Variants in SWT1 observed in about 807,000 individuals in gnomAD.
SWT1 encodes transcriptional protein SWT1.
SWT1 carries 33 observed loss-of-function variants against 107.3 expected under a neutral mutation model. The observed-to-expected ratio is 0.31, with a 90% confidence interval of 0.23 to 0.41. SWT1 has a LOEUF of 0.41. SWT1 is among the 10% of genes least tolerant of loss of function. SWT1 has a pLI of 1.00. For missense variants in SWT1, 898 were observed against 1,028.9 expected (o/e 0.87, Z 1.74); for synonymous variants, 345 against 348.3 (o/e 0.99, Z 0.11).
chr1:185,257,446 AG>A (rs1346132607), intron 16 of SWT1, among the ~76,000 whole-genome samples: 1 of 152,068 alleles, frequency 6.6e-6, no homozygotes, highest in Non-Finnish European at 1.5e-5. Context: ...CCGTGGGCGT[AG>A]GACCCTCCGA....
chr1:185,269,181 T>G (rs1486922679), intron 16 of SWT1, among the ~76,000 whole-genome samples: 1 of 152,182 alleles, frequency 6.6e-6, no homozygotes, highest in Non-Finnish European at 1.5e-5. Flanking sequence ...GGTTACCAAG[T>G]TAGAACACAC....
At chr1:185,204,598 A>T in intron 11 of SWT1, 102 bp from the exon 12 acceptor site, 1 of 487,864 alleles carries the variant, frequency 2.0e-6, no homozygotes, top group Non-Finnish European at 3.5e-6. Context: ...TATAATTAAA[A>T]TATATACATA....
rs1327314794 is a variant in SWT1, at chr1:185,276,614, A to T, written c.2519A>T (p.Asn840Ile). ...NFLIKYEVNKNVKFTAQEIYD... is the reference protein window; with the variant it reads ...NFLIKYEVNKIVKFTAQEIYD... ...CTTGGTTCCTTTCAGGTAAATAAAA[A>T]TGTCAAATTTACTGCCCAGGAAATT... Residue 840 changes from asparagine to isoleucine, a missense_variant, in exon 18 of 19, where the codon AAT becomes ATT. Coordinates refer to ENST00000367500, the MANE Select transcript of SWT1 (RefSeq NM_017673.7). 1.3e-6 allele frequency: 2 copies of T among 1,580,506 alleles called. No individual in the cohort carries two copies. The highest frequency in any genetic ancestry group is 4.5e-5 in the East Asian group (2 of 44,212).
chr1:185,172,814 C>T (rs1013356208), intron 4 of SWT1, among the ~76,000 whole-genome samples: 14 of 151,854 alleles, frequency 9.2e-5, no homozygotes, highest in African/African-American at 3.1e-4. Flanking sequence ...TTTGGGAGGC[C>T]GAGGTGGGCA....
At chr1:185,240,814 C>T (rs1219119082) in intron 16 of SWT1, among the ~76,000 whole-genome samples, 2 of 151,892 alleles carry the variant, frequency 1.3e-5, no homozygotes, top group African/African-American at 4.8e-5. Context: ...GTGTGATTTG[C>T]ATATATTTTG....
At chr1:185,171,721 A>G in intron 4 of SWT1, 1 of 462,600 alleles carries the variant, frequency 2.2e-6, no homozygotes, top group Non-Finnish European at 4.2e-6. Flanking sequence ...GGTGGCAGTG[A>G]AGGCAGAAAG....
intron 16 of SWT1, among the ~76,000 whole-genome samples, chr1:185,249,538 T>C (rs752007492): frequency 2.0e-4 from 30 of 152,146 alleles, no homozygotes; most frequent in Non-Finnish European, 2.9e-5. Context: ...CCAGGTGTGA[T>C]TGAGGCAAGG....
chr1:185,286,085 G>T (rs919000845), intron 18 of SWT1, among the ~76,000 whole-genome samples: 1 of 152,164 alleles, frequency 6.6e-6, no homozygotes, highest in African/African-American at 2.4e-5. Context: ...TACAAAAAAG[G>T]TTGTTGGGAT....
intron 18 of SWT1, among the ~76,000 whole-genome samples, chr1:185,284,733 T>C (rs765792367): frequency 6.6e-6 from 1 of 152,220 alleles, no homozygotes; most frequent in African/African-American, 2.4e-5. Flanking sequence ...ATATGGCAGT[T>C]GTGGCTTCTT....
intron 2 of SWT1, among the ~76,000 whole-genome samples, chr1:185,164,173 CTTTT>C (rs573365086): frequency 7.0e-6 from 1 of 143,528 alleles, no homozygotes; most frequent in African/African-American, 2.6e-5. Context: ...TGAAAGGAAT[CTTTT>C]TTTTTTTTTT....
chr1:185,231,428 T>C, intron 15 of SWT1, 149 bp from the exon 16 acceptor site: 3 of 642,978 alleles, frequency 4.7e-6, no homozygotes, highest in Non-Finnish European at 7.9e-6. Flanking sequence ...CGTATTTTAC[T>C]ATCTTTTATT....
chr1:185,196,715 G>T (rs1255724996), intron 10 of SWT1, among the ~76,000 whole-genome samples: 1 of 152,102 alleles, frequency 6.6e-6, no homozygotes, highest in Non-Finnish European at 1.5e-5. Flanking sequence ...CTTGTAAGTT[G>T]TATTCCTAGA....
chr1:185,232,781 T>G (rs933518740), intron 16 of SWT1, among the ~76,000 whole-genome samples: 1 of 152,348 alleles, frequency 6.6e-6, no homozygotes, highest in East Asian at 1.9e-4. Flanking sequence ...GGGAAATCAC[T>G]TGTATTATTA....
chr1:185,174,699 A>T lies in SWT1; in HGVS notation c.552A>T (p.Lys184Asn). 1 of 1,613,694 alleles carries T rather than the reference A, an allele frequency of 6.2e-7. No individual in the cohort carries two copies. Among genetic ancestry groups the T allele is most frequent in the Non-Finnish European group, 8.5e-7 (1 of 1,179,922 alleles). ...SHLLVQREKM[K>N]ELKKGRNSKF... Reference sequence around the variant, plus strand: ...TACTTGTTCAGAGAGAGAAGATGAAAGAACTCAAGAAAGGAAGAAACAGTA... The same window carrying T: ...TACTTGTTCAGAGAGAGAAGATGAATGAACTCAAGAAAGGAAGAAACAGTA... The change falls in exon 5 of 19, where the codon AAA (lysine) becomes AAT (asparagine). Residue 184 changes from lysine (K) to asparagine (N), a missense_variant. Lys to Asn is a moderately conservative substitution (Grantham distance 94). This residue lies in a region of SWT1 where 382 missense variants were observed against 362.4 expected (regional missense o/e 1.05). Transcript: ENST00000367500.
chr1:185,231,124 A>G (rs944911412), intron 15 of SWT1, among the ~76,000 whole-genome samples: 1 of 152,226 alleles, frequency 6.6e-6, no homozygotes, highest in African/African-American at 2.4e-5. Context: ...TTAAGGTGTT[A>G]CTAATTGTTG....
chr1:185,178,033 A>G (rs1558015984), intron 5 of SWT1, among the ~76,000 whole-genome samples: 1 of 152,206 alleles, frequency 6.6e-6, no homozygotes. Flanking sequence ...TAAAAAAAAT[A>G]TGATTGTACT....
chr1:185,290,623 AT>A (rs1665201868), intron 18 of SWT1, 50 bp from the exon 19 acceptor site: 2 of 1,382,246 alleles, frequency 1.4e-6, no homozygotes, highest in Admixed American at 5.1e-5. Flanking sequence ...AAGAATTTTT[AT>A]TTCTCTGACT....
At chr1:185,169,583 T>G (rs944473433) in intron 4 of SWT1, among the ~76,000 whole-genome samples, 5 of 151,936 alleles carry the variant, frequency 3.3e-5, no homozygotes, top group Non-Finnish European at 7.4e-5. Context: ...TACATAGAAA[T>G]GTATTAGCAG....
intron 15 of SWT1, 92 bp from the exon 16 acceptor site, chr1:185,231,485 A>T: frequency 1.1e-6 from 1 of 885,306 alleles, no homozygotes; most frequent in Non-Finnish European, 1.8e-6. Context: ...GATAATAAAT[A>T]CTACTTTACT....
Sources: allele counts gnomAD v4.1 joint callset (sites outside exome capture counted in the v4.1 genomes callset), GRCh38; gene constraint gnomAD v4.1.1; regional missense constraint gnomAD v4.1.1; transcripts MANE v1.5; gene names NCBI Gene and HGNC (gene_info 2026-07-23, HGNC 2026-07-21).